CHN2: variants seen among roughly 807,000 people sequenced by gnomAD.
CHN2 encodes the protein beta-chimaerin.
CHN2 carries 35 observed loss-of-function variants against 56.3 expected under a neutral mutation model. That is an observed-to-expected ratio of 0.62 (90% CI 0.47 to 0.82). CHN2 has a LOEUF of 0.82. CHN2 is among the 40% of genes least tolerant of loss of function. The pLI is 0.00. For synonymous variants in CHN2, 210 were observed against 212.8 expected (o/e 0.99, Z 0.12); for missense variants, 491 against 580.5 (o/e 0.85, Z 1.58).
intron 6 of CHN2, among the ~76,000 whole-genome samples, chr7:29,444,555 G>C (rs539550915): frequency 6.6e-6 from 1 of 152,166 alleles, no homozygotes; most frequent in Admixed American, 6.5e-5. Context: ...CTCTCTCCAC[G>C]TGACTTCTGT....
chr7:29,458,236 T>C (rs1784905744), intron 6 of CHN2, among the ~76,000 whole-genome samples: 1 of 152,196 alleles, frequency 6.6e-6, no homozygotes, highest in Non-Finnish European at 1.5e-5. Flanking sequence ...AGGTCCCTAT[T>C]TTCAGATGGG....
At chr7:29,273,376 T>C (rs1395894762) in intron 1 of CHN2, among the ~76,000 whole-genome samples, 2 of 61,344 alleles carry the variant, frequency 3.3e-5, no homozygotes, top group African/African-American at 8.0e-5. Flanking sequence ...TATATATATA[T>C]ATATATATAT....
intron 1 of CHN2, among the ~76,000 whole-genome samples, chr7:29,314,664 G>C (rs933646378): frequency 6.6e-6 from 1 of 152,110 alleles, no homozygotes; most frequent in Non-Finnish European, 1.5e-5. Flanking sequence ...CAAGAAGTGA[G>C]AGTTCACTGA....
chr7:29,473,168 G>T (rs1483478241), intron 6 of CHN2, among the ~76,000 whole-genome samples: 2 of 152,216 alleles, frequency 1.3e-5, no homozygotes, highest in Non-Finnish European at 2.9e-5. Flanking sequence ...GTTTTAAGTG[G>T]CATGATGGGA....
chr7:29,306,970 C>T (rs1280367909), intron 1 of CHN2, among the ~76,000 whole-genome samples: 1 of 152,216 alleles, frequency 6.6e-6, no homozygotes, highest in East Asian at 1.9e-4. Flanking sequence ...GTCCAAGCCT[C>T]CTTCCTCTTA....
At chr7:29,300,696 T>A (rs914487916) in intron 1 of CHN2, among the ~76,000 whole-genome samples, 1 of 152,216 alleles carries the variant, frequency 6.6e-6, no homozygotes, top group African/African-American at 2.4e-5. Flanking sequence ...AATTCTGAAT[T>A]AATGAAGCAG....
At chr7:29,337,838 G>A (rs991970024) in intron 1 of CHN2, among the ~76,000 whole-genome samples, 2 of 152,166 alleles carry the variant, frequency 1.3e-5, no homozygotes, top group Non-Finnish European at 2.9e-5. Context: ...GTGGTTGATG[G>A]GGTGTCTGAA....
chr7:29,147,777 A>C (rs562251979), intron 2 of CHN2, among the ~76,000 whole-genome samples: 2 of 152,380 alleles, frequency 1.3e-5, no homozygotes, highest in South Asian at 4.1e-4. Context: ...ACAAACAGAG[A>C]TCTGTAGGCC....
intron 1 of CHN2, among the ~76,000 whole-genome samples, chr7:29,263,828 C>G (rs944064660): frequency 6.7e-6 from 1 of 150,236 alleles, no homozygotes; most frequent in Non-Finnish European, 1.5e-5. Context: ...CGTCTCTGAC[C>G]GGCCGCCTCG....
At chr7:29,154,368 G>A (rs1227279098) in intron 2 of CHN2, among the ~76,000 whole-genome samples, 1 of 152,178 alleles carries the variant, frequency 6.6e-6, no homozygotes, top group Non-Finnish European at 1.5e-5. Context: ...AATGGGTGGG[G>A]CTTCCCCATC....
intron 1 of CHN2, among the ~76,000 whole-genome samples, chr7:29,195,629 A>AGAGAGAGAGAGAGAGTGTGTGTGT (rs869037854): frequency 8.5e-6 from 1 of 117,504 alleles, no homozygotes; most frequent in African/African-American, 3.6e-5. Flanking sequence ...AGAGAGAGAG[A>AGAGAGAGAGAGAGAGTGTGTGTGT]GTGTGTGTGT....
chr7:29,160,303 A>G (rs1409631518), intron 2 of CHN2, among the ~76,000 whole-genome samples: 1 of 152,224 alleles, frequency 6.6e-6, no homozygotes, highest in East Asian at 1.9e-4. Context: ...CTAATGTTTC[A>G]TAAAACTTAT....
chr7:29,443,655 A>T (rs1783832259), intron 6 of CHN2, among the ~76,000 whole-genome samples: 1 of 152,010 alleles, frequency 6.6e-6, no homozygotes, highest in African/African-American at 2.4e-5. Flanking sequence ...GGTTGGCTGC[A>T]TCTCTTTTTT....
chr7:29,200,086 A>G (rs1452482029), intron 1 of CHN2: 1 of 152,160 alleles, frequency 6.6e-6, no homozygotes, highest in Non-Finnish European at 1.5e-5. Flanking sequence ...TCACATAGGA[A>G]TGTTTTGGAA....
intron 1 of CHN2, among the ~76,000 whole-genome samples, chr7:29,352,495 G>A (rs1797962444): frequency 6.6e-6 from 1 of 152,164 alleles, no homozygotes; most frequent in Non-Finnish European, 1.5e-5. Context: ...GCTGAGGCGG[G>A]TGGATCACTT....
intron 6 of CHN2, among the ~76,000 whole-genome samples, chr7:29,429,514 T>C (rs1410574765): frequency 6.6e-6 from 1 of 152,168 alleles, no homozygotes; most frequent in Non-Finnish European, 1.5e-5. Context: ...ATTGATGACC[T>C]TTGACAAGAA....
intron 2 of CHN2, among the ~76,000 whole-genome samples, chr7:29,355,613 T>G (rs6943615): frequency 0.62 from 92,882 of 150,588 alleles, 29,121 homozygotes; most frequent in East Asian, 0.75. Flanking sequence ...AGAGCCAGGG[T>G]GCGCAGGCCC....
intron 2 of CHN2, among the ~76,000 whole-genome samples, chr7:29,167,526 T>C (rs183662597): frequency 3.9e-5 from 6 of 152,194 alleles, no homozygotes; most frequent in Admixed American, 3.3e-4. Flanking sequence ...AAAGTATGTA[T>C]CTTAGAGTGG....
intron 11 of CHN2, among the ~76,000 whole-genome samples, chr7:29,508,157 A>G (rs1053161016): frequency 4.6e-5 from 7 of 152,144 alleles, no homozygotes; most frequent in African/African-American, 1.4e-4. Context: ...TGGAGAGCTG[A>G]GCTCATGCGT....
Sources: allele counts gnomAD v4.1 joint callset (sites outside exome capture counted in the v4.1 genomes callset), GRCh38; gene constraint gnomAD v4.1.1; transcripts MANE v1.5; gene names NCBI Gene and HGNC (gene_info 2026-07-23, HGNC 2026-07-21).